Variants in ASTN2 observed in about 807,000 individuals in gnomAD.
ASTN2 encodes the protein astrotactin 2, also known as astrotactin-2.
In ASTN2, 54 loss-of-function variants were observed where a neutral mutation model predicts 139.8. That is an observed-to-expected ratio of 0.39 (90% CI 0.31 to 0.48). The LOEUF (loss-of-function observed/expected upper bound fraction) is 0.48, where lower values mean the gene tolerates loss of function less well. Among genes scored for constraint, ASTN2 ranks in the 20% least tolerant of loss-of-function variants. ASTN2 has a pLI of 0.95. For synonymous variants in ASTN2, 756 were observed against 719.5 expected, an observed-to-expected ratio of 1.05 and a Z score of -0.81; for missense variants, 1,565 against 1,725.1, an observed-to-expected ratio of 0.91 and a Z score of 1.64.
intron 7 of ASTN2, among the ~76,000 whole-genome samples, chr9:116,996,033 G>A (rs557294555): frequency 5.0e-4 from 76 of 151,922 alleles, no homozygotes; most frequent in African/African-American, 1.7e-3. Context: ...TAGAGACAGC[G>A]TCTCACTATG....
intron 19 of ASTN2, chr9:116,557,781 A>G (rs1261006955): frequency 6.6e-6 from 1 of 152,190 alleles, no homozygotes; most frequent in Non-Finnish European, 1.5e-5. Flanking sequence ...TCTTTGAGCA[A>G]TTATAAACCC....
rs762311934 is a variant in ASTN2, at chr9:116,978,495, G to GCGCACACACACACACA, written c.1592-1711_1592-1710insTGTGTGTGTGTGTGCG. On this transcript the variant is annotated intron_variant, in intron 7 of 22. Coordinates refer to ENST00000313400, the MANE Select transcript of ASTN2 (RefSeq NM_001365068.1). Reference sequence around the variant, plus strand: ...ATCTCTCTCTCTCTCTCTCTCTCACGCACACACACACACACACACACACAC... The same window carrying GCGCACACACACACACA: ...ATCTCTCTCTCTCTCTCTCTCTCACGCGCACACACACACACACACACACACACACACACACACACAC... Among the ~76,000 whole-genome samples the GCGCACACACACACACA allele has an allele frequency of 1.6e-3, 200 of 127,724 alleles. 1 individual carries two copies. The highest frequency in any genetic ancestry group is 7.7e-3 in the Middle Eastern group (2 of 260). 83.8% of individuals were successfully genotyped at this position (127,724 alleles called of 152,430 possible).
chr9:117,302,354 G>A (rs1819187972), intron 1 of ASTN2, among the ~76,000 whole-genome samples: 1 of 152,236 alleles, frequency 6.6e-6, no homozygotes, highest in South Asian at 2.1e-4. Context: ...GAGAAGAGTA[G>A]CAACTTGCCT....
chr9:116,932,859 A>T (rs56728044), intron 10 of ASTN2, among the ~76,000 whole-genome samples: 7,773 of 151,972 alleles, frequency 0.051, 237 homozygotes, highest in African/African-American at 0.09. Context: ...TCCAAAAATT[A>T]GCTGGGCATG....
intron 10 of ASTN2, among the ~76,000 whole-genome samples, chr9:116,968,408 C>A (rs1460444009): frequency 6.6e-6 from 1 of 152,136 alleles, no homozygotes; most frequent in Non-Finnish European, 1.5e-5. Flanking sequence ...CTGTTGGGGA[C>A]CCTGGAGCAG....
intron 2 of ASTN2, among the ~76,000 whole-genome samples, chr9:117,250,235 G>T (rs1483659650): frequency 1.3e-5 from 2 of 152,206 alleles, no homozygotes; most frequent in Non-Finnish European, 2.9e-5. Context: ...GGGTTTGAGT[G>T]CTGGTCCAAT....
At chr9:116,773,738 G>C (rs947280618) in intron 13 of ASTN2, among the ~76,000 whole-genome samples, 1 of 152,152 alleles carries the variant, frequency 6.6e-6, no homozygotes, top group Non-Finnish European at 1.5e-5. Context: ...GGCTCAGAGA[G>C]GTTAAGAATC....
At chr9:116,632,259 AAG>A (rs1491517713) in intron 17 of ASTN2, among the ~76,000 whole-genome samples, 1 of 115,682 alleles carries the variant, frequency 8.6e-6, no homozygotes, top group African/African-American at 3.3e-5. Flanking sequence ...GAAGGAAAGA[AAG>A]AAAGAAAGAA....
chr9:116,648,190 T>C (rs28534964), intron 17 of ASTN2, among the ~76,000 whole-genome samples: 3,600 of 152,086 alleles, frequency 0.024, 136 homozygotes, highest in African/African-American at 0.082. Flanking sequence ...TTAGTAGAGA[T>C]GGGGTTTCAC....
At chr9:116,580,342 C>G (rs1200031108) in intron 19 of ASTN2, among the ~76,000 whole-genome samples, 1 of 152,086 alleles carries the variant, frequency 6.6e-6, no homozygotes, top group Non-Finnish European at 1.5e-5. Flanking sequence ...AGAGGTAGCC[C>G]AAGGTGACAG....
rs1212775085 is a variant in ASTN2 at position 116,644,710 on chromosome 9, T to C, written c.3072+6818A>G. ...GCTATGTCATTGTGTGCCACTGGTA[T>C]GGAGTGCAAGATATGTATATCTTTC... On this transcript the variant is annotated intron_variant, in intron 17 of 22. Transcript: ENST00000313400. Among the ~76,000 whole-genome samples, 3 of 152,188 alleles carry C rather than the reference T, an allele frequency of 2.0e-5. No homozygotes were observed. The South Asian group carries it at 6.2e-4, about 32-fold the overall frequency.
intron 20 of ASTN2, among the ~76,000 whole-genome samples, chr9:116,466,792 C>A (rs116528685): frequency 6.6e-6 from 1 of 152,296 alleles, no homozygotes; most frequent in African/African-American, 2.4e-5. Flanking sequence ...CTTCCTTGTT[C>A]TCCCAAGCTT....
At chr9:117,331,138 G>C (rs985917943) in intron 1 of ASTN2, among the ~76,000 whole-genome samples, 3 of 152,174 alleles carry the variant, frequency 2.0e-5, no homozygotes, top group African/African-American at 7.2e-5. Flanking sequence ...GACTCTAAGT[G>C]TCCCAATCAC....
chr9:117,059,630 A>G (rs1423409131), intron 5 of ASTN2, among the ~76,000 whole-genome samples: 1 of 152,082 alleles, frequency 6.6e-6, no homozygotes. Context: ...TTACTATTAA[A>G]AAAACAAACA....
chr9:117,217,847 A>G (rs982352235), intron 2 of ASTN2, among the ~76,000 whole-genome samples: 3 of 152,210 alleles, frequency 2.0e-5, no homozygotes, highest in Admixed American at 6.5e-5. Context: ...TTCTGGCCCT[A>G]TATACCTATT....
chr9:116,558,061 G>A (rs141948709), intron 19 of ASTN2, among the ~76,000 whole-genome samples: 54 of 152,296 alleles, frequency 3.5e-4, no homozygotes, highest in African/African-American at 1.2e-3. Context: ...AATGAGTACT[G>A]TGATCCCACT....
At chr9:117,135,374 C>A (rs1726029155) in intron 4 of ASTN2, among the ~76,000 whole-genome samples, 1 of 152,138 alleles carries the variant, frequency 6.6e-6, no homozygotes, top group Non-Finnish European at 1.5e-5. Flanking sequence ...GGGCAAGGTG[C>A]CTAGAACATA....
At chr9:116,756,772 C>CACACACACAA (rs1437145316) in intron 13 of ASTN2, among the ~76,000 whole-genome samples, 1 of 145,128 alleles carries the variant, frequency 6.9e-6, no homozygotes, top group Non-Finnish European at 1.5e-5. Flanking sequence ...CCGAATAAAA[C>CACACACACAA]ACACACACAC....
Position 116,698,782 on chromosome 9 carries a change from A to T in ASTN2, c.2806+26989T>A, listed in dbSNP as rs749760133. ...TCACCTGCTAAACAGCGGGGTCCTG[A>T]GGCAGCCTCCAATATCCAGCAGTGC... On this transcript the variant is annotated intron_variant, in intron 16 of 22. Transcript: ENST00000313400. The surrounding 1 kb of genome is among the most constrained non-coding windows in gnomAD (Gnocchi z 4.4). 2.7e-5 allele frequency: 44 copies of T among 1,614,058 alleles called. 1 individual carries two copies. In the South Asian group the frequency reaches 4.6e-4, roughly 17 times the overall value.
Sources: gnomAD v4.1 joint callset for allele counts (sites outside exome capture counted in the v4.1 genomes callset) on GRCh38, gnomAD v4.1.1 for gene constraint, Gnocchi (gnomAD v3.1) non-coding constraint, MANE v1.5 for transcripts, NCBI Gene and HGNC (gene_info 2026-07-23, HGNC 2026-07-21) for gene names.